The following GULP1 variants were observed in gnomAD, a reference collection of about 807,000 sequenced individuals.
GULP1 encodes the protein PTB domain-containing engulfment adapter protein 1.
GULP1 carries 19 observed loss-of-function variants against 40.9 expected under a neutral mutation model. The ratio of observed to expected loss-of-function variants is 0.46; its 90% confidence interval spans 0.32 to 0.68. The LOEUF (loss-of-function observed/expected upper bound fraction) is 0.68. Ranked by LOEUF, GULP1 falls within the 30% of genes least tolerant of loss-of-function variation. The probability of loss-of-function intolerance (pLI) is 0.03; values close to 1 mark genes in which losing one functional copy is unlikely to be tolerated. For missense variants in GULP1, 312 were observed against 362.2 expected (o/e 0.86, Z 1.12); for synonymous variants, 119 against 117.6 (o/e 1.01, Z -0.08).
At chr2:188,462,965 A>C (rs1276830333) in intron 2 of GULP1, among the ~76,000 whole-genome samples, 1 of 151,864 alleles carries the variant, frequency 6.6e-6, no homozygotes, top group African/African-American at 2.4e-5. Flanking sequence ...CTTATATCTT[A>C]TTGTTCCATT....
chr2:188,338,707 A>T (rs1457794356), intron 1 of GULP1, among the ~76,000 whole-genome samples: 2 of 152,206 alleles, frequency 1.3e-5, no homozygotes, highest in African/African-American at 4.8e-5. Flanking sequence ...AACGGCTTCT[A>T]AAATTTATGT....
At chr2:188,589,734 G>A in intron 11 of GULP1, 1 of 1,396,024 alleles carries the variant, frequency 7.2e-7, no homozygotes, top group Admixed American at 2.6e-5. Context: ...CTTTCATGGT[G>A]GGTAGCGCCA....
At chr2:188,318,733 C>G (rs1365610635) in intron 1 of GULP1, among the ~76,000 whole-genome samples, 2 of 152,138 alleles carry the variant, frequency 1.3e-5, no homozygotes, top group African/African-American at 4.8e-5. Context: ...GAAATTTCTG[C>G]ATAATCTGCC....
intron 9 of GULP1, among the ~76,000 whole-genome samples, chr2:188,571,096 G>A (rs1461863386): frequency 2.0e-5 from 3 of 152,098 alleles, no homozygotes; most frequent in Admixed American, 1.3e-4. Flanking sequence ...GGTCATGGCT[G>A]CAGTGATCCA....
intron 1 of GULP1, chr2:188,294,534 T>C (rs1413818047): frequency 6.6e-6 from 1 of 152,100 alleles, no homozygotes; most frequent in Non-Finnish European, 1.5e-5. Flanking sequence ...CTTTTTTTTT[T>C]CTTCAGAGAG....
At chr2:188,471,111 C>G (rs933892456) in intron 2 of GULP1, among the ~76,000 whole-genome samples, 1 of 152,134 alleles carries the variant, frequency 6.6e-6, no homozygotes, top group African/African-American at 2.4e-5. Flanking sequence ...TAGTGACCTT[C>G]TTTTTCTCCT....
rs536740682 is a variant in GULP1 at position 188,515,748 on chromosome 2, A to G, written c.91-7008A>G. On this transcript the variant is annotated intron_variant, in intron 4 of 11. Transcript: ENST00000409830. ...ACACACACACACTCATGAGGATAAAATCCATGAATACAGGGACATTTTTAC... is the reference window on the plus strand; with the variant it reads ...ACACACACACACTCATGAGGATAAAGTCCATGAATACAGGGACATTTTTAC... 2.0e-5 allele frequency among the ~76,000 whole-genome samples: 3 copies of G among 151,976 alleles called. No individual in the cohort carries two copies. In the East Asian group the frequency reaches 5.8e-4, roughly 29 times the overall value.
chr2:188,480,848 T>A (rs1171253003), intron 3 of GULP1, among the ~76,000 whole-genome samples: 1 of 151,906 alleles, frequency 6.6e-6, no homozygotes, highest in Non-Finnish European at 1.5e-5. Flanking sequence ...TGAGTAGATA[T>A]CAAATGCACA....
intron 1 of GULP1, among the ~76,000 whole-genome samples, chr2:188,379,926 T>A (rs1261752792): frequency 6.6e-6 from 1 of 152,188 alleles, no homozygotes; most frequent in African/African-American, 2.4e-5. Flanking sequence ...TTAATGAGTC[T>A]TATCTCTTTG....
intron 1 of GULP1, among the ~76,000 whole-genome samples, chr2:188,337,442 C>G (rs2042423288): frequency 6.7e-6 from 1 of 149,166 alleles, no homozygotes; most frequent in Non-Finnish European, 1.5e-5. Flanking sequence ...GCCCGGCCCT[C>G]CAACTTCTTT....
At chr2:188,532,617 A>G (rs141068920) in intron 6 of GULP1, among the ~76,000 whole-genome samples, 1 of 152,196 alleles carries the variant, frequency 6.6e-6, no homozygotes, top group African/African-American at 2.4e-5. Flanking sequence ...TATTTGTTCC[A>G]ATGAAAGATA....
intron 2 of GULP1, among the ~76,000 whole-genome samples, chr2:188,454,430 G>C (rs755788349): frequency 6.6e-6 from 1 of 152,132 alleles, no homozygotes; most frequent in Non-Finnish European, 1.5e-5. Flanking sequence ...AATTAGGGAA[G>C]GATAGGTATA....
At chr2:188,299,385 G>T (rs984963979) in intron 1 of GULP1, among the ~76,000 whole-genome samples, 1 of 152,106 alleles carries the variant, frequency 6.6e-6, no homozygotes, top group Non-Finnish European at 1.5e-5. Context: ...CTAACATATT[G>T]GTTCTTTGAA....
intron 1 of GULP1, among the ~76,000 whole-genome samples, chr2:188,374,688 T>TAC (rs2152459697): frequency 6.6e-6 from 1 of 152,068 alleles, no homozygotes; most frequent in South Asian, 2.1e-4. Flanking sequence ...AGGATCATGG[T>TAC]ACTGCCATTG....
intron 2 of GULP1, among the ~76,000 whole-genome samples, chr2:188,462,219 A>C (rs905608533): frequency 3.3e-5 from 5 of 151,998 alleles, no homozygotes; most frequent in Admixed American, 3.3e-4. Context: ...TGTAATTTTT[A>C]TGTCTTTATA....
rs2037409146 is a variant in GULP1 at position 188,308,034 on chromosome 2, C to T, written c.-172+15868C>T. Among the ~76,000 whole-genome samples, 3 of 152,258 alleles carry T rather than the reference C, an allele frequency of 2.0e-5. No homozygotes were observed. The South Asian group carries it at 6.2e-4, about 31-fold the overall frequency. The stretch of plus-strand genomic sequence containing the variant: ...CATTATAAACTGGGTGTCATTGTGC[C>T]AGTCCTGCCCCTGGGCTTTATCTCT... On this transcript the variant is annotated intron_variant, in intron 1 of 11. Transcript: ENST00000409830.
At chr2:188,383,990 C>A (rs1460395652) in intron 2 of GULP1, 101 bp downstream of exon 2, 1 of 152,120 alleles carries the variant, frequency 6.6e-6, no homozygotes, top group Non-Finnish European at 1.5e-5. Flanking sequence ...AAAATATAGT[C>A]TTTTGTTGTA....
chr2:188,302,022 A>T (rs147546494), intron 1 of GULP1, among the ~76,000 whole-genome samples: 3,564 of 152,288 alleles, frequency 0.023, 147 homozygotes, highest in African/African-American at 0.081. Flanking sequence ...GGCTACTTAA[A>T]ATAGTATCCT....
In GULP1 at chr2:188,594,842, C is replaced by A. The variant is rs868594210; in HGVS notation, c.*831C>A. 8 of 151,672 alleles carry A rather than the reference C, an allele frequency of 5.3e-5. No homozygotes were observed. The highest frequency in any genetic ancestry group is 3.2e-3 in the Middle Eastern group (1 of 316). 9.4% of individuals were successfully genotyped at this position (151,672 alleles called of 1,614,324 possible). ...CTATCTATAGATTCAGTATCTACTACCCATATTTACTTTACCAAATATATT... is the reference window on the plus strand; with the variant it reads ...CTATCTATAGATTCAGTATCTACTAACCATATTTACTTTACCAAATATATT... On this transcript the variant is annotated 3_prime_UTR_variant, in exon 12 of 12. Transcript: ENST00000409830.
Sources: gnomAD v4.1 joint callset for allele counts (sites outside exome capture counted in the v4.1 genomes callset) on GRCh38, gnomAD v4.1.1 for gene constraint, MANE v1.5 for transcripts, NCBI Gene and HGNC (gene_info 2026-07-23, HGNC 2026-07-21) for gene names.